Variants in ILRUN observed in about 807,000 individuals in gnomAD.
ILRUN encodes the protein inflammation and lipid regulator with UBA-like and NBR1-like domains, also known as protein ILRUN.
ILRUN carries 3 observed loss-of-function variants against 33.8 expected under a neutral mutation model. That is an observed-to-expected ratio of 0.09 (90% CI 0.04 to 0.23). The LOEUF is 0.23. Among genes scored for constraint, ILRUN ranks in the 10% least tolerant of loss-of-function variants. The pLI is 1.00. For missense variants in ILRUN, 210 were observed against 375.1 expected (o/e 0.56, Z 3.64); for synonymous variants, 124 against 138.9 (o/e 0.89, Z 0.75).
intron 1 of ILRUN, 21 bp from the exon 2 acceptor site, chr6:34,654,800 C>T (rs1419324542): frequency 1.2e-6 from 2 of 1,609,684 alleles, no homozygotes; most frequent in African/African-American, 2.7e-5. Context: ...AGAGAAAAGG[C>T]AACAGACTTC....
At chr6:34,609,776 T>C (rs1761709245) in intron 3 of ILRUN, among the ~76,000 whole-genome samples, 1 of 152,154 alleles carries the variant, frequency 6.6e-6, no homozygotes, top group Non-Finnish European at 1.5e-5. Flanking sequence ...GCAATTTCTT[T>C]CTCCTCTAAG....
rs1301227194 is a variant in ILRUN at position 34,646,837 on chromosome 6, T to C, written c.314-39A>G. On this transcript the variant is annotated intron_variant, in intron 2 of 4. Coordinates refer to ENST00000374023, the MANE Select transcript of ILRUN (RefSeq NM_024294.4). This position sits in a 1 kb window ranked among gnomAD's most constrained non-coding sequence, Gnocchi z 4.9. ...AAAGAAAAAAATGTTAGGCAATCAA[T>C]GGTCCTATGCTGGGTGCAGTTTATT... 3.2e-6 allele frequency: 5 copies of C among 1,585,908 alleles called. No individual in the cohort carries two copies. The highest frequency in any genetic ancestry group is 4.3e-6 in the Non-Finnish European group (5 of 1,157,878).
intron 3 of ILRUN, among the ~76,000 whole-genome samples, chr6:34,623,913 C>A (rs1394221417): frequency 6.6e-6 from 1 of 152,156 alleles, no homozygotes. Flanking sequence ...CTCACCGCAA[C>A]CTCTGCCTCC....
At chr6:34,649,469 T>C (rs1369855775) in intron 2 of ILRUN, among the ~76,000 whole-genome samples, 1 of 152,186 alleles carries the variant, frequency 6.6e-6, no homozygotes, top group Non-Finnish European at 1.5e-5. Context: ...CCTAGTTAAG[T>C]ATCACAATCA....
intron 2 of ILRUN, among the ~76,000 whole-genome samples, chr6:34,653,338 C>G (rs1311786227): frequency 1.3e-5 from 2 of 151,922 alleles, no homozygotes; most frequent in Non-Finnish European, 2.9e-5. Flanking sequence ...TCAAGCAATT[C>G]TCCTGCCTCA....
At chr6:34,695,050 C>CAA (rs60744554) in intron 1 of ILRUN, among the ~76,000 whole-genome samples, 8,934 of 109,438 alleles carry the variant, frequency 0.082, 593 homozygotes, top group East Asian at 0.32. Context: ...GACTCCGTCT[C>CAA]AAAAAAAAAA....
intron 4 of ILRUN, among the ~76,000 whole-genome samples, chr6:34,602,011 A>G (rs1053239818): frequency 6.6e-6 from 1 of 152,174 alleles, no homozygotes; most frequent in Non-Finnish European, 1.5e-5. Flanking sequence ...AAAGATAATA[A>G]TAAGTTTCTC....
intron 1 of ILRUN, among the ~76,000 whole-genome samples, chr6:34,689,110 A>C (rs1172437032): frequency 6.6e-6 from 1 of 152,204 alleles, no homozygotes; most frequent in Admixed American, 6.5e-5. Context: ...GTTTAGAAAC[A>C]AGAGAGTGGT....
In ILRUN at chr6:34,660,364, GA is replaced by G. The variant is rs796855164; in HGVS notation, c.159-5586del. On this transcript the variant is annotated intron_variant, in intron 1 of 4. Transcript: ENST00000374023. ...AATGCCATTAGCTCAGATTCTCAAG[GA>G]AAAAAAAAAAACTAGATACCTTTTC... is the stretch of plus-strand genomic sequence containing the variant. Among the ~76,000 whole-genome samples the G allele has an allele frequency of 5.7e-3, 788 of 139,224 alleles. 5 individuals are homozygous for G. The highest frequency in any genetic ancestry group is 9.1e-3 in the Admixed American group (128 of 13,994). 91.3% of individuals were successfully genotyped at this position (139,224 alleles called of 152,430 possible). A position where few individuals can be genotyped will look rare whatever the true frequency, so the allele number is the denominator to read the frequency against.
At chr6:34,593,797 C>T (rs1761342036) in intron 4 of ILRUN, among the ~76,000 whole-genome samples, 2 of 152,178 alleles carry the variant, frequency 1.3e-5, no homozygotes. Flanking sequence ...ACGATCTAGA[C>T]TCCCCCACAC....
chr6:34,610,385 G>A (rs552989500), intron 3 of ILRUN, among the ~76,000 whole-genome samples: 1 of 152,278 alleles, frequency 6.6e-6, no homozygotes, highest in East Asian at 1.9e-4. Context: ...ATAGCAGGCA[G>A]CCTGAGGGAG....
At position 34,654,763 on chromosome 6, in the gene ILRUN, T is replaced by C. The variant is rs1231809771; in HGVS notation, c.175A>G (p.Ile59Val). 8.7e-6 allele frequency: 14 copies of C among 1,613,166 alleles called. No homozygotes were observed. Among genetic ancestry groups the C allele is most frequent in the Non-Finnish European group, 1.0e-5 (12 of 1,179,626 alleles). ...CTCTCAAAGTCATAATAGGCGCCAA[T>C]TGCTGCTTGTAGGTTCCTATAGAAA... ...DMTNWNLQAAIGAYYDFESPN... is the reference protein window; with the variant it reads ...DMTNWNLQAAVGAYYDFESPN... The change falls in exon 2 of 5, where the codon ATT becomes GTT. Residue 59 changes from isoleucine (I) to valine (V), a missense_variant. Transcript: ENST00000374023.
chr6:34,643,240 A>C lies in ILRUN; in HGVS notation c.511+3361T>G, dbSNP rs1762507309. ...CTTGAACCCAGGAGGTGGAGGTTGCAGTGAGCCAAGATCATGTCACTGTAC... is the reference window on the plus strand; with the variant it reads ...CTTGAACCCAGGAGGTGGAGGTTGCCGTGAGCCAAGATCATGTCACTGTAC... On this transcript the variant is annotated intron_variant, in intron 3 of 4. Transcript: ENST00000374023. 3.3e-5 allele frequency among the ~76,000 whole-genome samples: 5 copies of C among 151,950 alleles called. No homozygotes were observed. The South Asian group carries it at 1.0e-3, about 32-fold the overall frequency.
intron 1 of ILRUN, among the ~76,000 whole-genome samples, chr6:34,682,398 C>T (rs1373622585): frequency 1.3e-5 from 2 of 151,918 alleles, no homozygotes; most frequent in African/African-American, 4.8e-5. Context: ...GCTGGGACTA[C>T]AGGCGCCCGC....
chr6:34,660,458 C>T (rs1294857842), intron 1 of ILRUN, among the ~76,000 whole-genome samples: 2 of 150,832 alleles, frequency 1.3e-5, no homozygotes, highest in Admixed American at 1.3e-4. Flanking sequence ...AGAAAACTAC[C>T]AACCTTATTT....
chr6:34,614,343 A>C (rs1167387369), intron 3 of ILRUN, among the ~76,000 whole-genome samples: 2 of 151,242 alleles, frequency 1.3e-5, no homozygotes, highest in African/African-American at 2.4e-5. Context: ...AATGGCGTGA[A>C]CCCAGGAAGC....
intron 1 of ILRUN, among the ~76,000 whole-genome samples, chr6:34,679,735 T>TTCTTTC (rs1763317831): frequency 6.6e-6 from 1 of 152,184 alleles, no homozygotes; most frequent in African/African-American, 2.4e-5. Flanking sequence ...ATGTAATCAG[T>TTCTTTC]TAAGATGAGG....
At chr6:34,597,105 C>T (rs1304104064) in intron 4 of ILRUN, among the ~76,000 whole-genome samples, 1 of 152,168 alleles carries the variant, frequency 6.6e-6, no homozygotes, top group Non-Finnish European at 1.5e-5. Context: ...CCCCTACTCC[C>T]CTTACATATT....
chr6:34,601,710 C>G (rs1044567451), intron 4 of ILRUN, among the ~76,000 whole-genome samples: 8 of 148,280 alleles, frequency 5.4e-5, no homozygotes, highest in South Asian at 2.1e-4. Flanking sequence ...TACCCGCCCC[C>G]CCAACTACTG....
Sources: gnomAD v4.1 joint callset for allele counts (sites outside exome capture counted in the v4.1 genomes callset) on GRCh38, gnomAD v4.1.1 for gene constraint, Gnocchi (gnomAD v3.1) non-coding constraint, MANE v1.5 for transcripts, NCBI Gene and HGNC (gene_info 2026-07-23, HGNC 2026-07-21) for gene names.